Variants in PDE1A observed in about 807,000 individuals in gnomAD.
PDE1A encodes phosphodiesterase 1A.
PDE1A carries 35 observed loss-of-function variants against 61.7 expected under a neutral mutation model. The observed-to-expected ratio is 0.57, with a 90% confidence interval of 0.43 to 0.75. PDE1A has a LOEUF of 0.75. Ranked by LOEUF, PDE1A falls within the 30% of genes least tolerant of loss-of-function variation. The pLI is 0.00. For missense variants in PDE1A, 597 were observed against 630.6 expected (o/e 0.95, Z 0.57); for synonymous variants, 232 against 213.2 (o/e 1.09, Z -0.77).
At chr2:182,454,332 G>A (rs1262716480) in intron 2 of PDE1A, among the ~76,000 whole-genome samples, 1 of 152,118 alleles carries the variant, frequency 6.6e-6, no homozygotes, top group Non-Finnish European at 1.5e-5. Flanking sequence ...TCGTGAAAAT[G>A]GCCACACTGC....
At chr2:182,189,673 A>G (rs1685525812) in intron 10 of PDE1A, among the ~76,000 whole-genome samples, 1 of 152,174 alleles carries the variant, frequency 6.6e-6, no homozygotes, top group Non-Finnish European at 1.5e-5. Context: ...CTCATCTAAA[A>G]TAGATTAATT....
chr2:182,187,629 A>C (rs1418232371), intron 11 of PDE1A, among the ~76,000 whole-genome samples: 3 of 151,942 alleles, frequency 2.0e-5, no homozygotes, highest in Non-Finnish European at 4.4e-5. Flanking sequence ...AATAAGGCAC[A>C]TTTTTAATTT....
At chr2:182,161,146 A>G (rs761936621) in intron 13 of PDE1A, among the ~76,000 whole-genome samples, 2 of 152,058 alleles carry the variant, frequency 1.3e-5, no homozygotes, top group Non-Finnish European at 2.9e-5. Flanking sequence ...AGGGATTCCA[A>G]CTCCCAGCTC....
At chr2:182,338,513 TTTTA>T (rs1697984557) in intron 1 of PDE1A, among the ~76,000 whole-genome samples, 1 of 151,938 alleles carries the variant, frequency 6.6e-6, no homozygotes, top group African/African-American at 2.4e-5. Flanking sequence ...AAGCATATGG[TTTTA>T]TTTATTTGTT....
the PDE1A span, among the ~76,000 whole-genome samples, chr2:182,689,590 T>C: frequency 4.6e-5 from 7 of 151,930 alleles, no homozygotes; most frequent in Non-Finnish European, 7.4e-5. Context: ...AGATCCAAAA[T>C]TGACACCCTA....
rs901378568 is a variant in PDE1A, at chr2:182,196,979, C to T, written c.1125+4460G>A. On this transcript the variant is annotated intron_variant, in intron 10 of 13. Coordinates refer to ENST00000351439, the Ensembl canonical transcript of PDE1A. ...GATATTAACTATCCCTTCATATTAA[C>T]TTCAGTAGATGATATCCAGTAGTTT... Among the ~76,000 whole-genome samples the T allele has an allele frequency of 3.3e-5, 5 of 151,710 alleles. No homozygotes were observed. The East Asian group carries it at 9.7e-4, about 29-fold the overall frequency.
the PDE1A span, among the ~76,000 whole-genome samples, chr2:182,713,666 T>C: frequency 6.6e-6 from 1 of 152,152 alleles, no homozygotes; most frequent in Non-Finnish European, 1.5e-5. Context: ...ATGAACTGTG[T>C]AAGATTATCA....
intron 1 of PDE1A, among the ~76,000 whole-genome samples, chr2:182,343,837 C>G (rs768763282): frequency 1.1e-4 from 16 of 151,314 alleles, no homozygotes; most frequent in Non-Finnish European, 2.4e-4. Flanking sequence ...ATTACTATGT[C>G]CAAATACATA....
the PDE1A span, among the ~76,000 whole-genome samples, chr2:182,592,032 G>A: frequency 6.6e-6 from 1 of 152,178 alleles, no homozygotes; most frequent in African/African-American, 2.4e-5. Context: ...TGTGGTGGGT[G>A]TATGCCTGAT....
the PDE1A span, among the ~76,000 whole-genome samples, chr2:182,584,247 G>C: frequency 4.7e-3 from 705 of 150,964 alleles, 3 homozygotes; most frequent in African/African-American, 0.016. Context: ...TGCAGAGAGA[G>C]AACACAGCAG....
chr2:182,425,695 G>A (rs1328903892), intron 1 of PDE1A, among the ~76,000 whole-genome samples: 3 of 151,980 alleles, frequency 2.0e-5, no homozygotes, highest in South Asian at 2.1e-4. Flanking sequence ...TTATCATCCT[G>A]TATTTAATTC....
chr2:182,670,210 CA>C, the PDE1A span, among the ~76,000 whole-genome samples: 2 of 152,154 alleles, frequency 1.3e-5, no homozygotes, highest in Non-Finnish European at 2.9e-5. Flanking sequence ...AAAAGGTACT[CA>C]GGGGGTTTAC....
chr2:182,292,741 C>T (rs1694620792), intron 1 of PDE1A, among the ~76,000 whole-genome samples: 1 of 152,148 alleles, frequency 6.6e-6, no homozygotes, highest in Middle Eastern at 3.4e-3. Flanking sequence ...AACTCTTTCT[C>T]TATCTCCTCT....
chr2:182,399,070 T>C (rs1165964820), intron 1 of PDE1A, among the ~76,000 whole-genome samples: 2 of 151,892 alleles, frequency 1.3e-5, no homozygotes, highest in Admixed American at 6.6e-5. Flanking sequence ...AACTGAAAAA[T>C]AACCCTAAAG....
chr2:182,564,061 G>A, the PDE1A span, among the ~76,000 whole-genome samples: 1 of 152,140 alleles, frequency 6.6e-6, no homozygotes. Flanking sequence ...TACATTTAAA[G>A]TTAATATTGT....
intron 2 of PDE1A, among the ~76,000 whole-genome samples, chr2:182,510,017 G>A (rs1396202692): frequency 6.6e-6 from 1 of 152,046 alleles, no homozygotes; most frequent in Non-Finnish European, 1.5e-5. Flanking sequence ...CTGGTGCTTA[G>A]AGATTTTACT....
intron 1 of PDE1A, among the ~76,000 whole-genome samples, chr2:182,270,990 G>A (rs181084578): frequency 8.0e-4 from 122 of 151,590 alleles, no homozygotes; most frequent in Non-Finnish European, 1.5e-3. Context: ...TTTCATACAG[G>A]CAAATATAAC....
the PDE1A span, among the ~76,000 whole-genome samples, chr2:182,531,095 C>T: frequency 6.6e-6 from 1 of 150,922 alleles, no homozygotes; most frequent in Non-Finnish European, 1.5e-5. Context: ...ATAGTGATAT[C>T]AAAAGGAACT....
At chr2:182,484,964 T>TC (rs771314673) in intron 2 of PDE1A, among the ~76,000 whole-genome samples, 21 of 152,038 alleles carry the variant, frequency 1.4e-4, no homozygotes, top group Non-Finnish European at 2.2e-4. Flanking sequence ...TGGCGATCCC[T>TC]CCAAGAACTA....
Sources: gnomAD v4.1 joint callset for allele counts (sites outside exome capture counted in the v4.1 genomes callset) on GRCh38, gnomAD v4.1.1 for gene constraint, MANE v1.5 for transcripts, NCBI Gene and HGNC (gene_info 2026-07-23, HGNC 2026-07-21) for gene names.